CFHR1: variants seen among roughly 807,000 people sequenced by gnomAD.
CFHR1 encodes complement factor H related 1.
CFHR1 carries 22 observed loss-of-function variants against 30.4 expected under a neutral mutation model. The observed-to-expected ratio is 0.72, with a 90% confidence interval of 0.52 to 1.03. CFHR1 has a LOEUF of 1.03. Among genes scored for constraint, CFHR1 ranks in the 50% least tolerant of loss-of-function variants. The pLI, the probability that CFHR1 is intolerant of heterozygous loss-of-function variation, is 0.00. For synonymous variants in CFHR1, 95 were observed against 129.1 expected (o/e 0.74, Z 1.79); for missense variants, 248 against 380.6 (o/e 0.65, Z 2.90).
rs1456716887 is a variant in CFHR1, at chr1:196,827,327, C to T, written c.430+322C>T. Among the ~76,000 whole-genome samples the T allele has an allele frequency of 3.7e-5, 5 of 135,052 alleles. 1 individual carries two copies. The highest frequency in any genetic ancestry group is 7.8e-5 in the Non-Finnish European group (5 of 64,270). 88.6% of individuals were successfully genotyped at this position (135,052 alleles called of 152,430 possible). On this transcript the variant is annotated intron_variant, in intron 3 of 5. Transcript: ENST00000320493. ...AAATAGAACCCTGAATCTGTTTTAC[C>T]AACCCCTCCAGGGAATTCTATGCAC...
chr1:196,823,097 ATATATGTGTGTG>A (rs879435125), intron 1 of CFHR1, among the ~76,000 whole-genome samples: 1,096 of 48,884 alleles, frequency 0.022, 248 homozygotes, highest in African/African-American at 0.097. Flanking sequence ...ATATATATAT[ATATATGTGTGTG>A]TGTGTGTGTG....
chr1:196,830,743 G>T, intron 5 of CFHR1, 61 bp downstream of exon 5: 1 of 1,491,132 alleles, frequency 6.7e-7, no homozygotes, highest in Non-Finnish European at 9.1e-7. Flanking sequence ...ATATTTTGCT[G>T]TTGGTAACAA....
chr1:196,823,234 A>C (rs1344962545), intron 1 of CFHR1, among the ~76,000 whole-genome samples: 2 of 134,580 alleles, frequency 1.5e-5, no homozygotes, highest in Non-Finnish European at 3.1e-5. Context: ...GGAGGCTTGC[A>C]AGAAGACATT....
Position 196,831,713 on chromosome 1 carries a change from T to C in CFHR1, c.791-84T>C, listed in dbSNP as rs772070947. On this transcript the variant is annotated intron_variant, in intron 5 of 5. Coordinates refer to ENST00000320493, the MANE Select transcript of CFHR1 (RefSeq NM_002113.3). ...TTGAGAAATAATTCCTGAACCATCA[T>C]ATAACATTCTACTTGAAAACCTGAA... The C allele has an allele frequency of 6.9e-4, 951 of 1,371,212 alleles. 144 individuals carry two copies. The highest frequency in any genetic ancestry group is 7.7e-4 in the Non-Finnish European group (765 of 999,750). The allele number at this position is 1,371,212 out of a possible 1,614,324, so 84.9% of individuals were successfully genotyped here. A position where few individuals can be genotyped will look rare whatever the true frequency, so the allele number is the denominator to read the frequency against.
rs533506641 is a variant in CFHR1, at chr1:196,828,369, G to A, written c.607+123G>A. ...TCAAATGCAAATAAAATGATTGATG[G>A]TGCTTAAAATTCAATTCTTCCTGTG... On this transcript the variant is annotated intron_variant, in intron 4 of 5. Coordinates refer to ENST00000320493, the MANE Select transcript of CFHR1 (RefSeq NM_002113.3). 19 of 792,782 alleles carry A rather than the reference G, an allele frequency of 2.4e-5. 2 individuals carry two copies. The highest frequency in any genetic ancestry group is 3.4e-5 in the Non-Finnish European group (18 of 528,692). 49.1% of individuals were successfully genotyped at this position (792,782 alleles called of 1,614,324 possible). A position where few individuals can be genotyped will look rare whatever the true frequency, so the allele number is the denominator to read the frequency against.
At position 196,822,457 on chromosome 1, in the gene CFHR1, A is replaced by T. The variant is rs1315643449; in HGVS notation, c.58+2555A>T. Among the ~76,000 whole-genome samples the T allele has an allele frequency of 2.3e-5, 3 of 130,460 alleles. 1 individual carries two copies. The highest frequency in any genetic ancestry group is 6.8e-5 in the African/African-American group (2 of 29,348). The allele number at this position is 130,460 out of a possible 152,430, so 85.6% of individuals were successfully genotyped here. On this transcript the variant is annotated intron_variant, in intron 1 of 5. Transcript: ENST00000320493. ...AAAACATTGTAGAGATGTACAAAAG[A>T]TTTTTTCTTTCTGTTCTTGTGCTAT...
intron 1 of CFHR1, among the ~76,000 whole-genome samples, chr1:196,820,693 G>C (rs2454299): frequency 9.2e-6 from 1 of 108,410 alleles, no homozygotes; most frequent in Non-Finnish European, 1.9e-5. Flanking sequence ...TTTACTGTTT[G>C]GCTGTTTCCT....
rs1410780460 is a variant in CFHR1, at chr1:196,829,339, A to G, written c.607+1093A>G. Among the ~76,000 whole-genome samples the G allele has an allele frequency of 6.7e-5, 9 of 135,160 alleles. 2 individuals carry two copies. Among genetic ancestry groups the G allele is most frequent in the African/African-American group, 2.8e-4 (9 of 31,696 alleles). The allele number at this position is 135,160 out of a possible 152,430, so 88.7% of individuals were successfully genotyped here. ...TAAACTCATTTGCTTCAAATATCAA[A>G]CATAATTGAAAAAACTTATGAGGAA... is the stretch of plus-strand genomic sequence containing the variant. On this transcript the variant is annotated intron_variant, in intron 4 of 5. Coordinates refer to ENST00000320493, the MANE Select transcript of CFHR1 (RefSeq NM_002113.3).
Position 196,819,864 on chromosome 1 carries a change from T to A in CFHR1, c.20T>A (p.Val7Glu). 1 of 461,476 alleles carries A rather than the reference T, an allele frequency of 2.2e-6. No homozygotes were observed. Among genetic ancestry groups the A allele is most frequent in the South Asian group, 2.5e-5 (1 of 39,852 alleles). The allele number at this position is 461,476 out of a possible 1,614,324, so 28.6% of individuals were successfully genotyped here. A position where few individuals can be genotyped will look rare whatever the true frequency, so the allele number is the denominator to read the frequency against. MWLLVS[V>E]ILISRISSVG... ...CCAAGCATGTGGCTCCTGGTCAGTG[T>A]AATTCTAATCTCACGGATATCCTCT... The change falls in exon 1 of 6, where the codon GTA (valine) becomes GAA (glutamate). Residue 7 changes from valine to glutamate, a missense_variant. This residue lies in a region of CFHR1 where 121 missense variants were observed against 162.6 expected (regional missense o/e 0.74). Coordinates refer to ENST00000320493, the MANE Select transcript of CFHR1 (RefSeq NM_002113.3).
rs374982666 is a variant in CFHR1, at chr1:196,832,020, C to T, written c.*21C>T. 4.4e-5 allele frequency: 66 copies of T among 1,506,272 alleles called. 14 individuals are homozygous for T. In the African/African-American group the frequency reaches 9.8e-4, roughly 22 times the overall value. 93.3% of individuals were successfully genotyped at this position (1,506,272 alleles called of 1,614,324 possible). A position where few individuals can be genotyped will look rare whatever the true frequency, so the allele number is the denominator to read the frequency against. On this transcript the variant is annotated 3_prime_UTR_variant, in exon 6 of 6. Coordinates refer to ENST00000320493, the MANE Select transcript of CFHR1 (RefSeq NM_002113.3). ...GATAGAATCAATCATAAAATGCACACCTTTATTCAGAACTTTAGTATTAAA... is the reference window on the plus strand; with the variant it reads ...GATAGAATCAATCATAAAATGCACATCTTTATTCAGAACTTTAGTATTAAA...
intron 5 of CFHR1, among the ~76,000 whole-genome samples, 200 bp downstream of exon 5, chr1:196,830,882 C>T (rs1655528557): frequency 7.4e-6 from 1 of 135,040 alleles, no homozygotes; most frequent in Non-Finnish European, 1.6e-5. Flanking sequence ...AATCCCAGCA[C>T]TTTGGGAGGC....
rs562037701 is a variant in CFHR1 at position 196,829,370 on chromosome 1, T to A, written c.607+1124T>A. ...TTGAAAAAACTTATGAGGAAAAAGA[T>A]ATCGTGTTATATTGACTCCTCTTTT... On this transcript the variant is annotated intron_variant, in intron 4 of 5. Transcript: ENST00000320493. Among the ~76,000 whole-genome samples the A allele has an allele frequency of 6.4e-4, 87 of 135,574 alleles. 13 individuals are homozygous for A. Among genetic ancestry groups the A allele is most frequent in the Non-Finnish European group, 1.2e-3 (77 of 64,194 alleles). 88.9% of individuals were successfully genotyped at this position (135,574 alleles called of 152,430 possible). A position where few individuals can be genotyped will look rare whatever the true frequency, so the allele number is the denominator to read the frequency against.
In CFHR1 at chr1:196,831,111, G is replaced by A. The variant is rs1437217581; in HGVS notation, c.790+429G>A. Among the ~76,000 whole-genome samples, 5 of 135,960 alleles carry A rather than the reference G, an allele frequency of 3.7e-5. 2 individuals carry two copies. Among genetic ancestry groups the A allele is most frequent in the South Asian group, 2.5e-4 (1 of 3,966 alleles). 89.2% of individuals were successfully genotyped at this position (135,960 alleles called of 152,430 possible). ...CGCGCCACTGCACTCCAGCCTGGGC[G>A]ACAGAGCGAGACTCCGTCTCAATAA... On this transcript the variant is annotated intron_variant, in intron 5 of 5. Coordinates refer to ENST00000320493, the MANE Select transcript of CFHR1 (RefSeq NM_002113.3).
Position 196,826,972 on chromosome 1 carries a change from G to A in CFHR1, c.397G>A (p.Gly133Ser). 13 of 1,525,060 alleles carry A rather than the reference G, an allele frequency of 8.5e-6. 2 individuals are homozygous for A. The highest frequency in any genetic ancestry group is 1.2e-5 in the Non-Finnish European group (13 of 1,129,414). 94.5% of individuals were successfully genotyped at this position (1,525,060 alleles called of 1,614,324 possible). A position where few individuals can be genotyped will look rare whatever the true frequency, so the allele number is the denominator to read the frequency against. ...GAACAACATTTCATGTGTAGAACGG[G>A]GCTGGTCCACCCCTCCCAAATGCAG... The part of the protein sequence containing the change: ...NENNISCVER[G>S]WSTPPKCRST... The change falls in exon 3 of 6, where the codon GGC (glycine) becomes AGC (serine). Residue 133 changes from glycine to serine, a missense_variant. Coordinates refer to ENST00000320493, the MANE Select transcript of CFHR1 (RefSeq NM_002113.3).
In CFHR1 at chr1:196,823,576, C is replaced by T. The variant is rs2124886274; in HGVS notation, c.59-1901C>T. ...TGAAAATATTTCAAATATTGTGCAA[C>T]ATTAAACATTACTTCTAGATAGATG... is the stretch of plus-strand genomic sequence containing the variant. On this transcript the variant is annotated intron_variant, in intron 1 of 5. Coordinates refer to ENST00000320493, the MANE Select transcript of CFHR1 (RefSeq NM_002113.3). Among the ~76,000 whole-genome samples the T allele has an allele frequency of 1.5e-5, 2 of 135,320 alleles. 1 individual carries two copies. Among genetic ancestry groups the T allele is most frequent in the East Asian group, 3.9e-4 (2 of 5,092 alleles). The allele number at this position is 135,320 out of a possible 152,430, so 88.8% of individuals were successfully genotyped here.
chr1:196,826,397 A>G (rs1476901072), intron 2 of CFHR1, among the ~76,000 whole-genome samples: 1 of 135,358 alleles, frequency 7.4e-6, no homozygotes, highest in Non-Finnish European at 1.6e-5. Context: ...ATGTTTCATC[A>G]TATATATAGT....
Position 196,826,627 on chromosome 1 carries a change from T to A in CFHR1, c.254-202T>A, listed in dbSNP as rs1375959144. Among the ~76,000 whole-genome samples, 5 of 134,086 alleles carry A rather than the reference T, an allele frequency of 3.7e-5. 2 individuals carry two copies. The highest frequency in any genetic ancestry group is 7.8e-5 in the Non-Finnish European group (5 of 64,140). 88.0% of individuals were successfully genotyped at this position (134,086 alleles called of 152,430 possible). ...CACTATGCCCGCTAATTTTTGTATTTTTACTAGAAACAGGGTTTCACCATG... is the reference window on the plus strand; with the variant it reads ...CACTATGCCCGCTAATTTTTGTATTATTACTAGAAACAGGGTTTCACCATG... On this transcript the variant is annotated intron_variant, in intron 2 of 5. Transcript: ENST00000320493.
chr1:196,826,595 T>A (rs1349059869), intron 2 of CFHR1, among the ~76,000 whole-genome samples: 4 of 133,100 alleles, frequency 3.0e-5, no homozygotes, highest in Admixed American at 7.3e-5. Context: ...GAATTATAAG[T>A]GCGCACCACT....
At chr1:196,822,295 C>T (rs1655146416) in intron 1 of CFHR1, among the ~76,000 whole-genome samples, 1 of 126,160 alleles carries the variant, frequency 7.9e-6, no homozygotes, top group African/African-American at 3.6e-5. Flanking sequence ...GTGCTAATTA[C>T]TGAGCTTTTG....
Sources: allele counts gnomAD v4.1 joint callset (sites outside exome capture counted in the v4.1 genomes callset), GRCh38; gene constraint gnomAD v4.1.1; regional missense constraint gnomAD v4.1.1; transcripts MANE v1.5; gene names NCBI Gene and HGNC (gene_info 2026-07-23, HGNC 2026-07-21).